The following DNAH7 variants were observed in gnomAD, a reference collection of about 807,000 sequenced individuals.
DNAH7 encodes axonemal beta dynein heavy chain 7.
DNAH7 carries 397 observed loss-of-function variants against 444.6 expected under a neutral mutation model. The ratio of observed to expected loss-of-function variants is 0.89; its 90% CI spans 0.82 to 0.97. The LOEUF is 0.97. Among genes scored for constraint, DNAH7 ranks in the 50% least tolerant of loss-of-function variants. DNAH7 has a pLI of 0.00. For missense variants in DNAH7, 4,902 were observed against 4,800.8 expected, an observed-to-expected ratio of 1.02 and a Z score of -0.62; for synonymous variants, 1,636 against 1,624.4, an observed-to-expected ratio of 1.01 and a Z score of -0.17.
chr2:195,970,036 A>G lies in DNAH7; in HGVS notation c.2117T>C (p.Phe706Ser). The G allele has an allele frequency of 6.2e-7, 1 of 1,613,026 alleles. No individual in the cohort carries two copies. Among genetic ancestry groups the G allele is most frequent in the South Asian group, 1.1e-5 (1 of 90,890 alleles). ...LESYAKQSEE[F>S]YSFGDLQDVQ... The stretch of plus-strand genomic sequence containing the variant: ...ATCCTGAAGATCTCCAAATGAATAA[A>G]ATTCTTCTGATTGCTTAGCATAACT... Residue 706 changes from phenylalanine to serine, a missense_variant, in exon 17 of 65, where the codon TTT becomes TCT. Coordinates refer to ENST00000312428, the MANE Select transcript of DNAH7 (RefSeq NM_018897.3).
In DNAH7 at chr2:195,864,232, T is replaced by C. The variant is rs1381458351; in HGVS notation, c.7423A>G (p.Met2475Val). The C allele has an allele frequency of 1.2e-6, 2 of 1,614,184 alleles. No individual in the cohort carries two copies. The highest frequency in any genetic ancestry group is 1.7e-6 in the Non-Finnish European group (2 of 1,180,026). Residue 2475 changes from methionine to valine, a missense_variant, in exon 41 of 65, where the codon ATG becomes GTG. Coordinates refer to ENST00000312428, the MANE Select transcript of DNAH7 (RefSeq NM_018897.3). ...CGAAATGCATCTCCAATGGGACTCA[T>C]GGCAAGGACCACATGCAGTTGGCTG... Reference protein sequence around the residue: ...CRSQLHVVLAMSPIGDAFRNR... With the variant: ...CRSQLHVVLAVSPIGDAFRNR...
intron 12 of DNAH7, chr2:195,994,596 G>A (rs1001294014): frequency 8.1e-6 from 4 of 494,018 alleles, no homozygotes; most frequent in African/African-American, 6.0e-5. Flanking sequence ...TTCCGGACAG[G>A]AGTAAACCTC....
At chr2:195,911,701 A>C (rs1687368615) in intron 24 of DNAH7, among the ~76,000 whole-genome samples, 1 of 152,192 alleles carries the variant, frequency 6.6e-6, no homozygotes, top group African/African-American at 2.4e-5. Flanking sequence ...TTAAGGGCTG[A>C]GGGAAAACTA....
intron 17 of DNAH7, among the ~76,000 whole-genome samples, chr2:195,963,068 C>A (rs1691219559): frequency 6.6e-6 from 1 of 152,204 alleles, no homozygotes; most frequent in Non-Finnish European, 1.5e-5. Flanking sequence ...AGTTCTGCAA[C>A]AATCATGGGA....
In DNAH7 at chr2:196,010,298, C is replaced by A. The variant is rs189357930; in HGVS notation, c.989+2489G>T. On this transcript the variant is annotated intron_variant, in intron 10 of 64. Transcript: ENST00000312428. ...CCAAGTAGCTGGGATTACAGGTGTG[C>A]GCCACCACACCCTGCTAATTTTTGT... Among the ~76,000 whole-genome samples, 5 of 152,028 alleles carry A rather than the reference C, an allele frequency of 3.3e-5. No homozygotes were observed. The South Asian group carries it at 1.0e-3, about 32-fold the overall frequency.
intron 15 of DNAH7, among the ~76,000 whole-genome samples, chr2:195,982,385 T>A (rs1439455877): frequency 6.6e-6 from 1 of 152,188 alleles, no homozygotes; most frequent in African/African-American, 2.4e-5. Flanking sequence ...GTGGTGGGAA[T>A]GTAAATTAGT....
intron 35 of DNAH7, 64 bp downstream of exon 35, chr2:195,884,521 G>T: frequency 8.3e-7 from 1 of 1,199,106 alleles, no homozygotes; most frequent in Non-Finnish European, 1.2e-6. Context: ...GCCATTATAT[G>T]CTATGTGTCA....
intron 63 of DNAH7, 146 bp downstream of exon 63, chr2:195,754,191 G>A (rs1693953041): frequency 3.6e-6 from 3 of 836,866 alleles, no homozygotes; most frequent in Non-Finnish European, 5.4e-6. Context: ...TTTGCTCTCT[G>A]TATCTCAATA....
intron 46 of DNAH7, among the ~76,000 whole-genome samples, chr2:195,846,947 A>ATGTGTGTGTGTG (rs1315064692): frequency 2.4e-4 from 26 of 108,888 alleles, no homozygotes; most frequent in African/African-American, 9.4e-4. Flanking sequence ...AAACTCCCAT[A>ATGTGTGTGTGTG]TATGTGTGTG....
intron 47 of DNAH7, among the ~76,000 whole-genome samples, chr2:195,838,627 C>G (rs1698510090): frequency 6.6e-6 from 1 of 151,894 alleles, no homozygotes; most frequent in East Asian, 1.9e-4. Context: ...CCAATTTGAT[C>G]AACAAGGAGA....
At chr2:195,803,260 T>C (rs1696560814) in intron 54 of DNAH7, among the ~76,000 whole-genome samples, 1 of 152,248 alleles carries the variant, frequency 6.6e-6, no homozygotes, top group African/African-American at 2.4e-5. Flanking sequence ...TGGTTTTACT[T>C]GAAGCAAGTT....
intron 42 of DNAH7, among the ~76,000 whole-genome samples, chr2:195,859,157 C>T (rs909349032): frequency 6.6e-6 from 1 of 152,186 alleles, no homozygotes; most frequent in Non-Finnish European, 1.5e-5. Context: ...CCCAGCAACA[C>T]TACTGCTGCT....
chr2:195,857,966 C>A (rs1436738296), intron 43 of DNAH7, among the ~76,000 whole-genome samples: 1 of 152,066 alleles, frequency 6.6e-6, no homozygotes, highest in Non-Finnish European at 1.5e-5. Context: ...ATTCCCCTTT[C>A]ACATCTTAAC....
At chr2:195,787,252 A>T (rs1695665740) in intron 57 of DNAH7, 81 bp from the exon 58 acceptor site, 1 of 1,413,434 alleles carries the variant, frequency 7.1e-7, no homozygotes, top group South Asian at 1.4e-5. Flanking sequence ...AATGAAAGCA[A>T]ATTTCTTTCA....
intron 23 of DNAH7, 32 bp downstream of exon 23, chr2:195,923,563 T>C (rs778577961): frequency 1.3e-6 from 2 of 1,594,792 alleles, no homozygotes; most frequent in East Asian, 2.2e-5. Context: ...CTGAAATTGC[T>C]GTGTAATATA....
At chr2:195,780,786 T>A (rs1000233305) in intron 58 of DNAH7, among the ~76,000 whole-genome samples, 3 of 151,964 alleles carry the variant, frequency 2.0e-5, no homozygotes, top group Admixed American at 1.3e-4. Flanking sequence ...ATATATATAT[T>A]TTTATACTAA....
chr2:195,960,417 A>G lies in DNAH7; in HGVS notation c.2734T>C (p.Trp912Arg). The G allele has an allele frequency of 6.2e-7, 1 of 1,614,140 alleles. No individual in the cohort carries two copies. Among genetic ancestry groups the G allele is most frequent in the Non-Finnish European group, 8.5e-7 (1 of 1,180,010 alleles). The change falls in exon 18 of 65, where the codon TGG becomes CGG. Residue 912 changes from tryptophan to arginine, a missense_variant. Trp to Arg is a moderately radical substitution (Grantham distance 101, BLOSUM62 -3). Transcript: ENST00000312428. ...TGGATGACAAATTCCACTGCATCCC[A>G]CTCAGTAATCATCTTCTCCATCGCC... ...EKAMEKMITE[W>R]DAVEFVIHSY... is the part of the protein sequence containing the mutation.
At chr2:195,817,653 T>C in intron 50 of DNAH7, 43 bp downstream of exon 50, 1 of 1,530,448 alleles carries the variant, frequency 6.5e-7, no homozygotes, top group Non-Finnish European at 8.8e-7. Flanking sequence ...ATTCTAGTGA[T>C]CTAGAAACAA....
At chr2:195,905,840 A>T (rs1393316923) in intron 27 of DNAH7, 2 of 152,128 alleles carry the variant, frequency 1.3e-5, no homozygotes, top group Non-Finnish European at 2.9e-5. Flanking sequence ...TATGGGATGA[A>T]AATCATTTCA....
Sources: allele counts gnomAD v4.1 joint callset (sites outside exome capture counted in the v4.1 genomes callset), GRCh38; gene constraint gnomAD v4.1.1; transcripts MANE v1.5; gene names NCBI Gene and HGNC (gene_info 2026-07-23, HGNC 2026-07-21).